DLG2: variants seen among roughly 807,000 people sequenced by gnomAD.
DLG2 encodes disks large homolog 2.
Under a neutral mutation model 132.5 loss-of-function variants are expected in DLG2, and 45 were observed. That is an observed-to-expected ratio of 0.34 (90% CI 0.27 to 0.44). The LOEUF is 0.44. Ranked by LOEUF, DLG2 falls within the 20% of genes least tolerant of loss-of-function variation. DLG2 has a pLI of 1.00. For synonymous variants in DLG2, 424 were observed against 419.6 expected, an observed-to-expected ratio of 1.01 and a Z score of -0.13; for missense variants, 1,045 against 1,196.9, an observed-to-expected ratio of 0.87 and a Z score of 1.87.
chr11:85,619,870 A>G (rs1433624740), intron 2 of DLG2, among the ~76,000 whole-genome samples: 1 of 152,178 alleles, frequency 6.6e-6, no homozygotes, highest in African/African-American at 2.4e-5. Flanking sequence ...TATTACTGGT[A>G]TGGCAAACAT....
chr11:85,228,834 T>C (rs1303086805), intron 4 of DLG2, among the ~76,000 whole-genome samples: 1 of 151,682 alleles, frequency 6.6e-6, no homozygotes, highest in African/African-American at 2.4e-5. Context: ...AATGTAATTA[T>C]TATTATAGTT....
intron 3 of DLG2, among the ~76,000 whole-genome samples, chr11:85,420,681 T>A (rs1312652810): frequency 6.6e-6 from 1 of 152,242 alleles, no homozygotes; most frequent in Non-Finnish European, 1.5e-5. Context: ...TTTGCCAAGC[T>A]GTGGTGGGCT....
chr11:84,201,900 C>T (rs1597319551), intron 8 of DLG2, among the ~76,000 whole-genome samples: 1 of 143,276 alleles, frequency 7.0e-6, no homozygotes, highest in Admixed American at 7.3e-5. Context: ...CTCACTGCAA[C>T]CTCCACCTCC....
At chr11:85,623,085 A>G (rs2081834448) in intron 2 of DLG2, among the ~76,000 whole-genome samples, 1 of 152,016 alleles carries the variant, frequency 6.6e-6, no homozygotes, top group South Asian at 2.1e-4. Context: ...GATTCCAATT[A>G]TATAACATTC....
intron 19 of DLG2, chr11:83,631,764 T>A (rs2063600322): frequency 6.6e-6 from 1 of 152,210 alleles, no homozygotes; most frequent in Non-Finnish European, 1.5e-5. Context: ...TTATTATATA[T>A]ATAACCATTT....
rs558046564 is a variant in DLG2, at chr11:85,448,590, A to G, written c.40+150067T>C. 9.8e-5 allele frequency among the ~76,000 whole-genome samples: 15 copies of G among 152,294 alleles called. 1 individual carries two copies. In the South Asian group the frequency reaches 2.9e-3, roughly 29 times the overall value. On this transcript the variant is annotated intron_variant, in intron 3 of 27. Transcript: ENST00000376104. ...TGAAAAACTTTGTTCTATAAAATCAAAGACAATCAGAGACTTTGCTTCTGA... is the reference window on the plus strand; with the variant it reads ...TGAAAAACTTTGTTCTATAAAATCAGAGACAATCAGAGACTTTGCTTCTGA...
At chr11:85,593,396 A>T (rs2079508053) in intron 3 of DLG2, among the ~76,000 whole-genome samples, 1 of 152,190 alleles carries the variant, frequency 6.6e-6, no homozygotes, top group Non-Finnish European at 1.5e-5. Flanking sequence ...CCCTACTTCC[A>T]GAGTTTCTTA....
intron 7 of DLG2, among the ~76,000 whole-genome samples, chr11:84,285,728 T>A (rs774724262): frequency 5.3e-5 from 8 of 152,196 alleles, no homozygotes; most frequent in African/African-American, 1.9e-4. Context: ...CGACATCCTG[T>A]TATAGCTTTT....
At chr11:85,020,752 G>T in intron 6 of DLG2, 1 of 666,400 alleles carries the variant, frequency 1.5e-6, no homozygotes, top group Non-Finnish European at 2.8e-6. Context: ...AATGGGATAA[G>T]ATTTCTAAAC....
At chr11:83,740,480 G>A (rs2092416202) in intron 18 of DLG2, among the ~76,000 whole-genome samples, 1 of 152,112 alleles carries the variant, frequency 6.6e-6, no homozygotes, top group Admixed American at 6.6e-5. Context: ...TTAGGAGTTA[G>A]GATAGCAGTT....
chr11:83,901,889 T>G (rs1227915609), intron 15 of DLG2, among the ~76,000 whole-genome samples: 2 of 152,202 alleles, frequency 1.3e-5, no homozygotes, highest in Non-Finnish European at 2.9e-5. Context: ...CTTCATGATT[T>G]TTTTTTGTGT....
At chr11:84,210,943 T>A (rs778224758) in intron 8 of DLG2, among the ~76,000 whole-genome samples, 2 of 152,204 alleles carry the variant, frequency 1.3e-5, no homozygotes, top group African/African-American at 2.4e-5. Flanking sequence ...AACTCAGCAA[T>A]CTGTACACTT....
chr11:84,923,635 A>C (rs2092867744), intron 6 of DLG2: 1 of 975,380 alleles, frequency 1.0e-6, no homozygotes, highest in Non-Finnish European at 1.2e-6. Context: ...TGAGCTCTGC[A>C]CTATATTCCA....
intron 6 of DLG2, among the ~76,000 whole-genome samples, chr11:84,880,478 G>A (rs112822708): frequency 1.6e-4 from 24 of 152,116 alleles, no homozygotes; most frequent in East Asian, 3.9e-4. Flanking sequence ...GCTTTGTCCC[G>A]AATATTTTGA....
chr11:85,146,462 G>A (rs1389304558), intron 5 of DLG2, among the ~76,000 whole-genome samples: 1 of 152,090 alleles, frequency 6.6e-6, no homozygotes, highest in Non-Finnish European at 1.5e-5. Context: ...ATTTAGCCAT[G>A]AAGGGGTCCC....
intron 6 of DLG2, chr11:84,891,000 T>A (rs2089291243): frequency 6.6e-6 from 1 of 152,192 alleles, no homozygotes; most frequent in African/African-American, 2.4e-5. Context: ...GGACTTTGGC[T>A]TAGTTACTTC....
At chr11:84,511,327 A>G (rs966090747) in intron 7 of DLG2, among the ~76,000 whole-genome samples, 1 of 152,162 alleles carries the variant, frequency 6.6e-6, no homozygotes, top group Non-Finnish European at 1.5e-5. Context: ...ATGTATGAAT[A>G]ATAAAAATGA....
At chr11:83,714,515 T>A (rs1188916528) in intron 18 of DLG2, among the ~76,000 whole-genome samples, 1 of 152,206 alleles carries the variant, frequency 6.6e-6, no homozygotes, top group Non-Finnish European at 1.5e-5. Context: ...AAACATTCAA[T>A]TCATTTGAAT....
At chr11:84,517,456 C>T (rs1043495584) in intron 7 of DLG2, among the ~76,000 whole-genome samples, 3 of 151,844 alleles carry the variant, frequency 2.0e-5, no homozygotes, top group Non-Finnish European at 4.4e-5. Flanking sequence ...TATCATCTCA[C>T]ACTTATTAGA....
Sources: gnomAD v4.1 joint callset for allele counts (sites outside exome capture counted in the v4.1 genomes callset) on GRCh38, gnomAD v4.1.1 for gene constraint, MANE v1.5 for transcripts, NCBI Gene and HGNC (gene_info 2026-07-23, HGNC 2026-07-21) for gene names.